PROB1: variants seen among roughly 807,000 people sequenced by gnomAD.
PROB1 encodes proline rich basic protein 1.
For synonymous variants in PROB1, 660 were observed against 699.3 expected, an observed-to-expected ratio of 0.94 and a Z score of 0.89; for missense variants, 1,453 against 1,485.7, an observed-to-expected ratio of 0.98 and a Z score of 0.36.
chr5:139,394,715 AGCCGAACAGGGGTCCGAC>A lies in PROB1; in HGVS notation c.349_366del (p.Val117_Gly122del). On this transcript the variant is annotated inframe_deletion, in exon 1 of 1. Transcript: ENST00000434752. ...GCCTCGCGATCGTCTGCGCCGGAGC[AGCCGAACAGGGGTCCGAC>A]GCCGAAGATGACTTCCATCTCCCCC... The A allele has an allele frequency of 6.5e-7, 1 of 1,532,742 alleles. No individual in the cohort carries two copies. Among genetic ancestry groups the A allele is most frequent in the Non-Finnish European group, 8.7e-7 (1 of 1,144,334 alleles). 94.9% of individuals were successfully genotyped at this position (1,532,742 alleles called of 1,614,324 possible). A position where few individuals can be genotyped will look rare whatever the true frequency, so the allele number is the denominator to read the frequency against.
rs757335694 is a variant in PROB1 at position 139,394,001 on chromosome 5, C to T, written c.1081G>A (p.Glu361Lys). 6.4e-7 allele frequency: 1 copy of T among 1,550,656 alleles called. No individual in the cohort carries two copies. Among genetic ancestry groups the T allele is most frequent in the South Asian group, 1.2e-5 (1 of 84,066 alleles). Reference protein sequence around the residue: ...QEARKTRFPREAPDRTVQRAR... With the variant: ...QEARKTRFPRKAPDRTVQRAR... The stretch of plus-strand genomic sequence containing the variant: ...CTCTGAACAGTTCGATCCGGCGCCT[C>T]TCGCGGGAACCGAGTCTTCCGCGCC... Residue 361 changes from glutamate to lysine, a missense_variant, in exon 1 of 1, where the codon GAG becomes AAG. Physicochemically the swap from Glu to Lys is moderately conservative, Grantham distance 56 (BLOSUM62 1). Transcript: ENST00000434752.
Position 139,394,674 on chromosome 5 carries a change from C to T in PROB1, c.408G>A (p.Thr136=). 9.1e-6 allele frequency: 14 copies of T among 1,534,540 alleles called. 1 individual carries two copies. The Middle Eastern group carries it at 8.4e-4, about 92-fold the overall frequency. ...ADDREAQQQF[T]EPAFISPLPP... ...GCAAGGGGCTGATGAAGGCCGGCTC[C>T]GTGAACTGTTGTTGCGCCTCGCGAT... is the stretch of plus-strand genomic sequence containing the variant. The change falls in exon 1 of 1, where the codon ACG becomes ACA. Residue 136 remains threonine (T), a synonymous_variant. Transcript: ENST00000434752.
Position 139,394,557 on chromosome 5 carries a change from G to A in PROB1, c.525C>T (p.Pro175=). Reference sequence around the variant, plus strand: ...CTGGGGCGGCAGGACTTGGCCCACGGGGCCGCAGCTCTAGGTAGGTGGCCC... The same window carrying A: ...CTGGGGCGGCAGGACTTGGCCCACGAGGCCGCAGCTCTAGGTAGGTGGCCC... ...SRWATYLELR[P]RGPSPAAPAQ... is the part of the protein sequence containing the mutation. Residue 175 remains proline, a synonymous_variant, in exon 1 of 1, where the codon CCC becomes CCT. Coordinates refer to ENST00000434752, the MANE Select transcript of PROB1 (RefSeq NM_001161546.2). 2 of 1,506,410 alleles carry A rather than the reference G, an allele frequency of 1.3e-6. No homozygotes were observed. The highest frequency in any genetic ancestry group is 1.8e-6 in the Non-Finnish European group (2 of 1,134,220). 93.3% of individuals were successfully genotyped at this position (1,506,410 alleles called of 1,614,324 possible).
In PROB1 at chr5:139,393,580, A is replaced by C; in HGVS notation, c.1502T>G (p.Phe501Cys). ...ACGATCTGGAGCCTCCCACGGGAAGAAGGCCGGCGGGGACGGGCTGCTACG... is the reference window on the plus strand; with the variant it reads ...ACGATCTGGAGCCTCCCACGGGAAGCAGGCCGGCGGGGACGGGCTGCTACG... ...EPRSSPSPPA[F>C]FPWEAPDRPI... Residue 501 changes from phenylalanine (F) to cysteine (C), a missense_variant, in exon 1 of 1, where the codon TTC (phenylalanine) becomes TGC (cysteine). Coordinates refer to ENST00000434752, the MANE Select transcript of PROB1 (RefSeq NM_001161546.2). The C allele has an allele frequency of 2.6e-6, 4 of 1,550,942 alleles. No individual in the cohort carries two copies. The highest frequency in any genetic ancestry group is 3.5e-6 in the Non-Finnish European group (4 of 1,146,890).
In PROB1 at chr5:139,394,147, G is replaced by C; in HGVS notation, c.935C>G (p.Pro312Arg). 1 of 1,546,412 alleles carries C rather than the reference G, an allele frequency of 6.5e-7. No individual in the cohort carries two copies. Among genetic ancestry groups the C allele is most frequent in the South Asian group, 1.2e-5 (1 of 83,850 alleles). The change falls in exon 1 of 1, where the codon CCG becomes CGG. Residue 312 changes from proline to arginine, a missense_variant. Pro to Arg is a moderately radical substitution (Grantham distance 103). Coordinates refer to ENST00000434752, the MANE Select transcript of PROB1 (RefSeq NM_001161546.2). ...CTCGCGGAGGCTGGGCCACGGCCTCGGGGCCTTGGCGGGGGCCGAATTATC... is the reference window on the plus strand; with the variant it reads ...CTCGCGGAGGCTGGGCCACGGCCTCCGGGCCTTGGCGGGGGCCGAATTATC... Reference protein sequence around the residue: ...VRDNSAPAKAPRPWPSLRERA... With the variant: ...VRDNSAPAKARRPWPSLRERA...
In PROB1 at chr5:139,393,011, CCA is replaced by C. The variant is rs1561988805; in HGVS notation, c.2069_2070del (p.Val690GlyfsTer9). 6.6e-7 allele frequency: 1 copy of C among 1,521,376 alleles called. No individual in the cohort carries two copies. The highest frequency in any genetic ancestry group is 2.2e-5 in the Admixed American group (1 of 46,066). 94.2% of individuals were successfully genotyped at this position (1,521,376 alleles called of 1,614,324 possible). Reference sequence around the variant, plus strand: ...TCAGGAGGCTCGTAGGGGTGCGGCACCACCGGTAGAAAATCCTTGATGAAAAC... The same window carrying C: ...TCAGGAGGCTCGTAGGGGTGCGGCACCCGGTAGAAAATCCTTGATGAAAAC... ...TSVFIKDFLP[V>X]VPHPYEPPEP... On this transcript the variant is annotated frameshift_variant, in exon 1 of 1. Coordinates refer to ENST00000434752, the MANE Select transcript of PROB1 (RefSeq NM_001161546.2). LOFTEE classifies it low-confidence loss of function (END_TRUNC).
chr5:139,393,573 C>A lies in PROB1; in HGVS notation c.1509G>T (p.Pro503=), dbSNP rs1290392507. 1 of 1,551,044 alleles carries A rather than the reference C, an allele frequency of 6.4e-7. No homozygotes were observed. The highest frequency in any genetic ancestry group is 2.0e-5 in the Admixed American group (1 of 50,996). ...RSSPSPPAFF[P]WEAPDRPIGT... The stretch of plus-strand genomic sequence containing the variant: ...CAATAGGACGATCTGGAGCCTCCCA[C>A]GGGAAGAAGGCCGGCGGGGACGGGC... Residue 503 remains proline (P), a synonymous_variant, in exon 1 of 1, where the codon CCG becomes CCT. Transcript: ENST00000434752.
Position 139,392,014 on chromosome 5 carries a change from A to C in PROB1, c.*20T>G. On this transcript the variant is annotated 3_prime_UTR_variant, in exon 1 of 1. Coordinates refer to ENST00000434752, the MANE Select transcript of PROB1 (RefSeq NM_001161546.2). This position sits in a 1 kb window ranked among gnomAD's most constrained non-coding sequence, Gnocchi z 5.8. ...CCAGGCATCCAAGGGCTCCAACTCC[A>C]TGGGGATCGGCCCGGGGCCTCACAG... 5 of 1,366,442 alleles carry C rather than the reference A, an allele frequency of 3.7e-6. No individual in the cohort carries two copies. Among genetic ancestry groups the C allele is most frequent in the Non-Finnish European group, 4.7e-6 (5 of 1,054,500 alleles). 84.6% of individuals were successfully genotyped at this position (1,366,442 alleles called of 1,614,324 possible).
Position 139,394,060 on chromosome 5 carries a change from C to G in PROB1, c.1022G>C (p.Ser341Thr), listed in dbSNP as rs1001914949. The G allele has an allele frequency of 1.3e-6, 2 of 1,550,922 alleles. No individual in the cohort carries two copies. Among genetic ancestry groups the G allele is most frequent in the Non-Finnish European group, 1.7e-6 (2 of 1,147,000 alleles). Residue 341 changes from serine (S) to threonine (T), a missense_variant, in exon 1 of 1, where the codon AGC (serine) becomes ACC (threonine). By Grantham distance (58) the Ser-to-Thr change is moderately conservative (BLOSUM62 1). Transcript: ENST00000434752. ...CTTCTCCTCTGACTGAAGGAAGATG[C>G]TGGAACTAACAGGACCCAGCGGCTC... is the stretch of plus-strand genomic sequence containing the variant. Reference protein sequence around the residue: ...GTEPLGPVSSSIFLQSEEKIQ... With the variant: ...GTEPLGPVSSTIFLQSEEKIQ...
At position 139,392,625 on chromosome 5, in the gene PROB1, CTT is replaced by C; in HGVS notation, c.2455_2456del (p.Lys819AspfsTer90). 1 of 1,381,430 alleles carries C rather than the reference CTT, an allele frequency of 7.2e-7. No individual in the cohort carries two copies. 85.6% of individuals were successfully genotyped at this position (1,381,430 alleles called of 1,614,324 possible). ...SPSPGIAPKP[K>X]TPPTAPEPAA... ...CGGGCTCGGGGGCCGTAGGTGGTGT[CTT>C]CGGTTTGGGTGCTATCCCAGGGCTC... On this transcript the variant is annotated frameshift_variant, in exon 1 of 1. Transcript: ENST00000434752. LOFTEE classifies it low-confidence loss of function (END_TRUNC). The surrounding 1 kb of genome is among the most constrained non-coding windows in gnomAD (Gnocchi z 5.8).
rs1352167101 is a variant in PROB1, at chr5:139,394,922, C to T, written c.160G>A (p.Ala54Thr). ...PDVGPDAKGP[A>T]NWPWVAPGRG... ...CCAGGAGCCACCCAGGGCCAATTCGCTGGGCCTTTCGCGTCCGGCCCAACG... is the reference window on the plus strand; with the variant it reads ...CCAGGAGCCACCCAGGGCCAATTCGTTGGGCCTTTCGCGTCCGGCCCAACG... Residue 54 changes from alanine to threonine, a missense_variant, in exon 1 of 1, where the codon GCG becomes ACG. By Grantham distance (58) the Ala-to-Thr change is moderately conservative. Coordinates refer to ENST00000434752, the MANE Select transcript of PROB1 (RefSeq NM_001161546.2). 3 of 1,519,706 alleles carry T rather than the reference C, an allele frequency of 2.0e-6. No homozygotes were observed. The highest frequency in any genetic ancestry group is 2.6e-5 in the East Asian group (1 of 37,874). 94.1% of individuals were successfully genotyped at this position (1,519,706 alleles called of 1,614,324 possible). A position where few individuals can be genotyped will look rare whatever the true frequency, so the allele number is the denominator to read the frequency against.
At position 139,392,081 on chromosome 5, in the gene PROB1, T is replaced by A; in HGVS notation, c.3001A>T (p.Ser1001Cys). The change falls in exon 1 of 1, where the codon AGC (serine) becomes TGC (cysteine). Residue 1001 changes from serine to cysteine, a missense_variant. Coordinates refer to ENST00000434752, the MANE Select transcript of PROB1 (RefSeq NM_001161546.2). The surrounding 1 kb of genome is among the most constrained non-coding windows in gnomAD (Gnocchi z 5.8). Reference protein sequence around the residue: ...PPLLLCAPPSSSGPTQPGKGS... With the variant: ...PPLLLCAPPSCSGPTQPGKGS... Reference sequence around the variant, plus strand: ...TTGCCGGGCTGGGTGGGACCTGAGCTGGAGGGCGGCGCACAGAGGAGCAGA... The same window carrying A: ...TTGCCGGGCTGGGTGGGACCTGAGCAGGAGGGCGGCGCACAGAGGAGCAGA... 7.1e-7 allele frequency: 1 copy of A among 1,409,416 alleles called. No individual in the cohort carries two copies. Among genetic ancestry groups the A allele is most frequent in the Non-Finnish European group, 9.3e-7 (1 of 1,079,608 alleles). 87.3% of individuals were successfully genotyped at this position (1,409,416 alleles called of 1,614,324 possible).
In PROB1 at chr5:139,392,456, C is replaced by T. The variant is rs1027055220; in HGVS notation, c.2626G>A (p.Ala876Thr). The T allele has an allele frequency of 2.1e-6, 3 of 1,405,364 alleles. No individual in the cohort carries two copies. The highest frequency in any genetic ancestry group is 3.0e-5 in the South Asian group (2 of 66,492). The allele number at this position is 1,405,364 out of a possible 1,614,324, so 87.1% of individuals were successfully genotyped here. A position where few individuals can be genotyped will look rare whatever the true frequency, so the allele number is the denominator to read the frequency against. ...ACCAAGACCTTCCCCAGGGGCGCGG[C>T]CCCGGGCTGCCTGCGCGCTCCCTGG... is the stretch of plus-strand genomic sequence containing the variant. Reference protein sequence around the residue: ...PSQGARRQPGAAPLGKVLVDP... With the variant: ...PSQGARRQPGTAPLGKVLVDP... The change falls in exon 1 of 1, where the codon GCC (alanine) becomes ACC (threonine). Residue 876 changes from alanine (A) to threonine (T), a missense_variant. Ala to Thr is a moderately conservative substitution (Grantham distance 58, BLOSUM62 0). Coordinates refer to ENST00000434752, the MANE Select transcript of PROB1 (RefSeq NM_001161546.2). This position sits in a 1 kb window ranked among gnomAD's most constrained non-coding sequence, Gnocchi z 5.8.
Position 139,394,894 on chromosome 5 carries a change from C to G in PROB1, c.188G>C (p.Arg63Pro). ...CAGGCGAGGCTGCGCGCCCGCCCCC[C>G]GCCCAGGAGCCACCCAGGGCCAATT... The part of the protein sequence containing the change: ...PANWPWVAPG[R>P]GAGAQPRLSV... Residue 63 changes from arginine (R) to proline (P), a missense_variant, in exon 1 of 1, where the codon CGG becomes CCG. Physicochemically the swap from Arg to Pro is moderately radical, Grantham distance 103. Transcript: ENST00000434752. 3 of 1,510,374 alleles carry G rather than the reference C, an allele frequency of 2.0e-6. No homozygotes were observed. The highest frequency in any genetic ancestry group is 1.5e-5 in the African/African-American group (1 of 68,740). 93.6% of individuals were successfully genotyped at this position (1,510,374 alleles called of 1,614,324 possible). A position where few individuals can be genotyped will look rare whatever the true frequency, so the allele number is the denominator to read the frequency against.
Position 139,394,127 on chromosome 5 carries a change from G to T in PROB1, c.955C>A (p.Arg319Ser). The T allele has an allele frequency of 6.5e-7, 1 of 1,547,712 alleles. No individual in the cohort carries two copies. The part of the protein sequence containing the change: ...AKAPRPWPSL[R>S]ERAIRRDKPA... Reference sequence around the variant, plus strand: ...TTGTCGCGCCGAATCGCGCGCTCGCGGAGGCTGGGCCACGGCCTCGGGGCC... The same window carrying T: ...TTGTCGCGCCGAATCGCGCGCTCGCTGAGGCTGGGCCACGGCCTCGGGGCC... The change falls in exon 1 of 1, where the codon CGC becomes AGC. Residue 319 changes from arginine (R) to serine (S), a missense_variant. Arg to Ser is a moderately radical substitution (Grantham distance 110). Transcript: ENST00000434752.
At position 139,392,299 on chromosome 5, in the gene PROB1, C is replaced by A; in HGVS notation, c.2783G>T (p.Arg928Leu). ...LPPSSPGPPH[R>L]VYTPLALGLG... ...CCCCAGGGCCAGAGGGGTGTAGACG[C>A]GGTGGGGCGGCCCGGGAGACGAGGG... The change falls in exon 1 of 1, where the codon CGC (arginine) becomes CTC (leucine). Residue 928 changes from arginine to leucine, a missense_variant. Arg to Leu is a moderately radical substitution (Grantham distance 102). Coordinates refer to ENST00000434752, the MANE Select transcript of PROB1 (RefSeq NM_001161546.2). The surrounding 1 kb of genome is among the most constrained non-coding windows in gnomAD (Gnocchi z 5.8). The A allele has an allele frequency of 6.8e-7, 1 of 1,475,274 alleles. No homozygotes were observed. The highest frequency in any genetic ancestry group is 9.0e-7 in the Non-Finnish European group (1 of 1,108,226). The allele number at this position is 1,475,274 out of a possible 1,614,324, so 91.4% of individuals were successfully genotyped here.
In PROB1 at chr5:139,393,422, G is replaced by A. The variant is rs1481690234; in HGVS notation, c.1660C>T (p.Pro554Ser). 3.9e-6 allele frequency: 6 copies of A among 1,551,574 alleles called. No homozygotes were observed. The highest frequency in any genetic ancestry group is 5.2e-6 in the Non-Finnish European group (6 of 1,147,012). ...ATCTCTGTTGGTTCTGGAGTGCCGG[G>A]TGCGGACGGTGTAGGCGGTGCCAAC... ...EELAPPTPSAPGTPEPTEMQS... is the reference protein window; with the variant it reads ...EELAPPTPSASGTPEPTEMQS... Residue 554 changes from proline to serine, a missense_variant, in exon 1 of 1, where the codon CCC (proline) becomes TCC (serine). Pro to Ser is a moderately conservative substitution (Grantham distance 74). Transcript: ENST00000434752.
rs114905678 is a variant in PROB1, at chr5:139,393,079, G to A, written c.2003C>T (p.Pro668Leu). Residue 668 changes from proline (P) to leucine (L), a missense_variant, in exon 1 of 1, where the codon CCG (proline) becomes CTG (leucine). Pro to Leu is a moderately conservative substitution (Grantham distance 98). Coordinates refer to ENST00000434752, the MANE Select transcript of PROB1 (RefSeq NM_001161546.2). Reference sequence around the variant, plus strand: ...CGGGGCGGGGGGCCCCAGTGCTGGCGGCTCTTGCGTCTTGGATTCGCCGCC... The same window carrying A: ...CGGGGCGGGGGGCCCCAGTGCTGGCAGCTCTTGCGTCTTGGATTCGCCGCC... ...EEGGESKTQE[P>L]PALGPPAPAH... The A allele has an allele frequency of 4.7e-4, 716 of 1,527,868 alleles. 4 individuals carry two copies. The African/African-American group carries it at 8.6e-3, about 18-fold the overall frequency. The allele number at this position is 1,527,868 out of a possible 1,614,324, so 94.6% of individuals were successfully genotyped here.
rs1758609925 is a variant in PROB1, at chr5:139,392,248, C to T, written c.2834G>A (p.Gly945Glu). 25 of 1,487,078 alleles carry T rather than the reference C, an allele frequency of 1.7e-5. No homozygotes were observed. Among genetic ancestry groups the T allele is most frequent in the Non-Finnish European group, 2.2e-5 (25 of 1,115,412 alleles). 92.1% of individuals were successfully genotyped at this position (1,487,078 alleles called of 1,614,324 possible). ...LGLGLYPPAY[G>E]PIPSLSLPPS... Reference sequence around the variant, plus strand: ...TGGCAGAGAGAGGCTGGGTATAGGCCCATAGGCGGGCGGGTAGAGGCCGAG... The same window carrying T: ...TGGCAGAGAGAGGCTGGGTATAGGCTCATAGGCGGGCGGGTAGAGGCCGAG... The change falls in exon 1 of 1, where the codon GGG becomes GAG. Residue 945 changes from glycine (G) to glutamate (E), a missense_variant. By Grantham distance (98) the Gly-to-Glu change is moderately conservative (BLOSUM62 -2). Coordinates refer to ENST00000434752, the MANE Select transcript of PROB1 (RefSeq NM_001161546.2). The surrounding 1 kb of genome is among the most constrained non-coding windows in gnomAD (Gnocchi z 5.8).
Sources: allele counts gnomAD v4.1 joint callset, GRCh38; gene constraint gnomAD v4.1.1; non-coding constraint Gnocchi (gnomAD v3.1); transcripts MANE v1.5; gene names NCBI Gene and HGNC (gene_info 2026-07-23, HGNC 2026-07-21).